STK39: variants seen among roughly 807,000 people sequenced by gnomAD.
STK39 encodes the protein STE20/SPS1-related proline-alanine-rich protein kinase.
A neutral mutation model predicts 77.8 loss-of-function variants in STK39; 20 were observed. The ratio of observed to expected loss-of-function variants is 0.26; its 90% CI spans 0.18 to 0.37. The LOEUF is 0.37. STK39 is among the 10% of genes least tolerant of loss of function. The pLI is 1.00. For synonymous variants in STK39, 246 were observed against 234.1 expected (o/e 1.05, Z -0.47); for missense variants, 479 against 656.5 (o/e 0.73, Z 2.95).
At chr2:168,026,398 T>C (rs1472510530) in intron 14 of STK39, among the ~76,000 whole-genome samples, 1 of 152,232 alleles carries the variant, frequency 6.6e-6, no homozygotes, top group Non-Finnish European at 1.5e-5. Context: ...AGAGGTCACC[T>C]AATCCATTTC....
At chr2:168,176,247 T>A (rs1383669304) in intron 2 of STK39, among the ~76,000 whole-genome samples, 2 of 152,094 alleles carry the variant, frequency 1.3e-5, no homozygotes, top group African/African-American at 4.8e-5. Context: ...AGTATTAACA[T>A]AATTCCATAA....
chr2:167,998,400 T>G lies in STK39; in HGVS notation c.1498+14234A>C, dbSNP rs555665604. On this transcript the variant is annotated intron_variant, in intron 16 of 17. Coordinates refer to ENST00000355999, the MANE Select transcript of STK39 (RefSeq NM_013233.3). ...AAATGGCAGGTTTGCTTTAGCCCAA[T>G]GAACATGAATATTTTACGTATTCTG... Among the ~76,000 whole-genome samples the G allele has an allele frequency of 1.4e-4, 22 of 152,348 alleles. No homozygotes were observed. The South Asian group carries it at 3.7e-3, about 26-fold the overall frequency.
intron 10 of STK39, among the ~76,000 whole-genome samples, chr2:168,089,034 G>T (rs941491569): frequency 1.4e-4 from 21 of 152,154 alleles, no homozygotes. Flanking sequence ...GCTCCCCAGC[G>T]ATGTTAATCA....
chr2:167,956,411 G>A (rs886854237), intron 17 of STK39, among the ~76,000 whole-genome samples: 2 of 151,938 alleles, frequency 1.3e-5, no homozygotes, highest in Middle Eastern at 3.2e-3. Context: ...CAAAAAATTA[G>A]CCAGGTTTGG....
chr2:168,080,094 C>CA (rs375679682), intron 10 of STK39, among the ~76,000 whole-genome samples: 84 of 152,274 alleles, frequency 5.5e-4, no homozygotes, highest in African/African-American at 1.9e-3. Flanking sequence ...ACCCTGAGAG[C>CA]AAGTCCATCC....
At chr2:168,114,480 T>G (rs1687207313) in intron 10 of STK39, among the ~76,000 whole-genome samples, 1 of 152,176 alleles carries the variant, frequency 6.6e-6, no homozygotes, top group African/African-American at 2.4e-5. Context: ...AACTGTCACA[T>G]TTCAACTTCA....
chr2:168,052,537 C>G (rs756273248), intron 14 of STK39, among the ~76,000 whole-genome samples: 1 of 152,166 alleles, frequency 6.6e-6, no homozygotes, highest in Non-Finnish European at 1.5e-5. Flanking sequence ...AAATAAAGAG[C>G]TGCAAACAGC....
chr2:168,128,082 G>A (rs1262964940), intron 10 of STK39, among the ~76,000 whole-genome samples: 1 of 152,154 alleles, frequency 6.6e-6, no homozygotes, highest in Non-Finnish European at 1.5e-5. Flanking sequence ...GCTGGAGTGT[G>A]AGGCCAAAGC....
intron 1 of STK39, among the ~76,000 whole-genome samples, chr2:168,192,933 C>T (rs1020264466): frequency 1.3e-5 from 2 of 152,122 alleles, no homozygotes; most frequent in Non-Finnish European, 2.9e-5. Flanking sequence ...CTATTAACTC[C>T]CCCTCTTCAA....
intron 1 of STK39, among the ~76,000 whole-genome samples, chr2:168,219,139 G>T (rs899303481): frequency 6.6e-6 from 1 of 151,970 alleles, no homozygotes; most frequent in Non-Finnish European, 1.5e-5. Context: ...GTAGGCAGAG[G>T]GTCAGGCGCG....
chr2:168,175,228 T>G (rs993388483), intron 2 of STK39, among the ~76,000 whole-genome samples: 1 of 152,172 alleles, frequency 6.6e-6, no homozygotes, highest in African/African-American at 2.4e-5. Context: ...TAAGCAACAT[T>G]TTCCTGAAGT....
At chr2:168,147,083 T>C (rs954632099) in intron 5 of STK39, among the ~76,000 whole-genome samples, 4 of 152,326 alleles carry the variant, frequency 2.6e-5, no homozygotes, top group African/African-American at 7.2e-5. Context: ...AATGCAATAA[T>C]GGGGTTAAGA....
intron 12 of STK39, among the ~76,000 whole-genome samples, chr2:168,067,448 T>C (rs1685824703): frequency 6.6e-6 from 1 of 152,232 alleles, no homozygotes; most frequent in Non-Finnish European, 1.5e-5. Context: ...CTGTTCTCAC[T>C]TCACCTTCCA....
intron 10 of STK39, among the ~76,000 whole-genome samples, chr2:168,117,208 C>T (rs964576762): frequency 1.3e-5 from 2 of 152,148 alleles, no homozygotes; most frequent in Non-Finnish European, 2.9e-5. Flanking sequence ...AATTTAGGTT[C>T]GGCTAAACCC....
rs1178993114 is a variant in STK39, at chr2:168,157,287, T to A, written c.628+4500A>T. Among the ~76,000 whole-genome samples, 3 of 152,208 alleles carry A rather than the reference T, an allele frequency of 2.0e-5. No individual in the cohort carries two copies. The East Asian group carries it at 5.8e-4, about 29-fold the overall frequency. On this transcript the variant is annotated intron_variant, in intron 5 of 17. Transcript: ENST00000355999. ...GAAAAACCCAGGGCATAAGCTTGAT[T>A]TGAATGGATGCACATACGTGAGGCA...
At chr2:168,102,019 A>G (rs1036419061) in intron 10 of STK39, among the ~76,000 whole-genome samples, 1 of 152,184 alleles carries the variant, frequency 6.6e-6, no homozygotes, top group Non-Finnish European at 1.5e-5. Context: ...GGTATTTCAC[A>G]TAAACGGAAT....
intron 8 of STK39, among the ~76,000 whole-genome samples, chr2:168,130,028 C>T (rs926337307): frequency 3.3e-5 from 5 of 152,166 alleles, no homozygotes; most frequent in African/African-American, 1.2e-4. Context: ...TTACACTTAA[C>T]TAAGTGAATT....
chr2:168,007,037 T>C (rs1028310331), intron 16 of STK39, among the ~76,000 whole-genome samples: 2 of 152,218 alleles, frequency 1.3e-5, no homozygotes, highest in Non-Finnish European at 2.9e-5. Context: ...ATGCTATTGC[T>C]TTTTCAGCCT....
chr2:168,065,337 G>C lies in STK39; in HGVS notation c.1287C>G (p.Leu429=). ...AACATACCTGAGAGTCGTGCACAGAGAGGGACTGTATTTGTTCGGGGATGG... is the reference window on the plus strand; with the variant it reads ...AACATACCTGAGAGTCGTGCACAGACAGGGACTGTATTTGTTCGGGGATGG... ...ASTIPEQIQS[L]SVHDSQGPPN... is the part of the protein sequence containing the mutation. The change falls in exon 13 of 18, where the codon CTC becomes CTG. Residue 429 remains leucine (L), a synonymous_variant. Coordinates refer to ENST00000355999, the MANE Select transcript of STK39 (RefSeq NM_013233.3). The C allele has an allele frequency of 6.2e-7, 1 of 1,614,080 alleles. No homozygotes were observed. The highest frequency in any genetic ancestry group is 2.2e-5 in the East Asian group (1 of 44,880).
Sources: allele counts gnomAD v4.1 joint callset (sites outside exome capture counted in the v4.1 genomes callset), GRCh38; gene constraint gnomAD v4.1.1; transcripts MANE v1.5; gene names NCBI Gene and HGNC (gene_info 2026-07-23, HGNC 2026-07-21).